The following SPOP variants were observed in gnomAD, a reference collection of about 807,000 sequenced individuals.
SPOP encodes speckle type BTB/POZ protein, also known as speckle-type POZ protein.
In SPOP, 11 loss-of-function variants were observed where a neutral mutation model predicts 45.6. That is an observed-to-expected ratio of 0.24 (90% confidence interval 0.15 to 0.40). The LOEUF (loss-of-function observed/expected upper bound fraction) is 0.40, where lower values mean the gene tolerates loss of function less well. Ranked by LOEUF, SPOP falls within the 10% of genes least tolerant of loss-of-function variation. The pLI is 1.00. For missense variants in SPOP, 152 were observed against 465.6 expected, an observed-to-expected ratio of 0.33 and a Z score of 6.20; for synonymous variants, 166 against 166.3, an observed-to-expected ratio of 1.00 and a Z score of 0.01.
chr17:49,642,925 A>C (rs2072686358), intron 1 of SPOP, among the ~76,000 whole-genome samples: 1 of 152,256 alleles, frequency 6.6e-6, no homozygotes, highest in Non-Finnish European at 1.5e-5. Flanking sequence ...ATCTATGTTA[A>C]AGTTGGCGTA....
At chr17:49,614,650 C>T (rs2072043400) in intron 5 of SPOP, among the ~76,000 whole-genome samples, 1 of 152,086 alleles carries the variant, frequency 6.6e-6, no homozygotes. Flanking sequence ...ATTGAATCAC[C>T]ATTTGTGTAG....
chr17:49,605,800 C>T (rs969422475), intron 8 of SPOP, among the ~76,000 whole-genome samples: 3 of 151,974 alleles, frequency 2.0e-5, no homozygotes, highest in Non-Finnish European at 4.4e-5. Context: ...CCAGCCTGAC[C>T]AACATGGCGA....
At chr17:49,653,983 CA>C (rs1174128293) in intron 1 of SPOP, among the ~76,000 whole-genome samples, 2 of 152,030 alleles carry the variant, frequency 1.3e-5, no homozygotes, top group African/African-American at 4.8e-5. Context: ...ACTTGTATTG[CA>C]AATCCTATGA....
intron 6 of SPOP, among the ~76,000 whole-genome samples, chr17:49,610,997 T>C (rs187892784): frequency 2.0e-4 from 31 of 152,252 alleles, no homozygotes; most frequent in Admixed American, 1.1e-3. Context: ...TGCTCTGACA[T>C]CTACTCTCTA....
intron 1 of SPOP, among the ~76,000 whole-genome samples, chr17:49,640,966 TA>T (rs1406313076): frequency 2.6e-5 from 4 of 152,074 alleles, no homozygotes; most frequent in Non-Finnish European, 5.9e-5. Flanking sequence ...CTGATACCCT[TA>T]AAAATGAATT....
chr17:49,662,590 G>A (rs1263581280), intron 1 of SPOP, among the ~76,000 whole-genome samples: 1 of 151,986 alleles, frequency 6.6e-6, no homozygotes, highest in South Asian at 2.1e-4. Flanking sequence ...GGGAGGTTGA[G>A]GCAGGACAGT....
At chr17:49,606,405 C>T (rs1357098048) in intron 8 of SPOP, among the ~76,000 whole-genome samples, 2 of 152,060 alleles carry the variant, frequency 1.3e-5, no homozygotes, top group African/African-American at 4.8e-5. Flanking sequence ...ATCCTTCCTC[C>T]TTGGCCTCCC....
At chr17:49,605,002 C>A (rs2071810619) in intron 8 of SPOP, among the ~76,000 whole-genome samples, 1 of 152,140 alleles carries the variant, frequency 6.6e-6, no homozygotes, top group Non-Finnish European at 1.5e-5. Flanking sequence ...AAGATAGCAA[C>A]TATTTGTCTT....
chr17:49,600,085 C>T lies in SPOP; in HGVS notation c.*293G>A, dbSNP rs1362870075. 2.7e-6 allele frequency: 1 copy of T among 364,052 alleles called. No individual in the cohort carries two copies. Among genetic ancestry groups the T allele is most frequent in the Non-Finnish European group, 5.1e-6 (1 of 196,528 alleles). 22.6% of individuals were successfully genotyped at this position (364,052 alleles called of 1,614,324 possible). A position where few individuals can be genotyped will look rare whatever the true frequency, so the allele number is the denominator to read the frequency against. The stretch of plus-strand genomic sequence containing the variant: ...GATGCAGACAGGTGTCTCCGAAGTA[C>T]CACCGCTGGGATATCCTCGGGCCAG... On this transcript the variant is annotated 3_prime_UTR_variant, in exon 10 of 10. Transcript: ENST00000504102. The surrounding 1 kb of genome is among the most constrained non-coding windows in gnomAD (Gnocchi z 4.2).
chr17:49,606,627 G>A (rs2071856287), intron 8 of SPOP, among the ~76,000 whole-genome samples: 1 of 150,958 alleles, frequency 6.6e-6, no homozygotes, highest in Non-Finnish European at 1.5e-5. Flanking sequence ...CTGAGTAGCT[G>A]GGACTACAAG....
intron 1 of SPOP, among the ~76,000 whole-genome samples, chr17:49,655,190 GAT>G (rs1302952841): frequency 6.6e-6 from 1 of 152,114 alleles, no homozygotes; most frequent in African/African-American, 2.4e-5. Flanking sequence ...TGTAAAAAGT[GAT>G]ATAAATATTC....
intron 8 of SPOP, among the ~76,000 whole-genome samples, chr17:49,603,997 T>C (rs563239052): frequency 1.4e-3 from 211 of 152,352 alleles, no homozygotes; most frequent in African/African-American, 4.9e-3. Flanking sequence ...AGTTTAATCT[T>C]GGCTCTGCGG....
intron 1 of SPOP, among the ~76,000 whole-genome samples, chr17:49,624,532 A>C (rs1287771014): frequency 6.6e-6 from 1 of 152,132 alleles, no homozygotes; most frequent in Non-Finnish European, 1.5e-5. Context: ...ACAGTGGCGC[A>C]ATCTTGGCTC....
chr17:49,635,913 T>G (rs1424632365), intron 1 of SPOP, among the ~76,000 whole-genome samples: 1 of 151,138 alleles, frequency 6.6e-6, no homozygotes, highest in Non-Finnish European at 1.5e-5. Context: ...GGATTATAGG[T>G]GTGAGCCACC....
chr17:49,618,946 G>A lies in SPOP; in HGVS notation c.480+35C>T, dbSNP rs775851222. 13 of 1,594,208 alleles carry A rather than the reference G, an allele frequency of 8.2e-6. No homozygotes were observed. The South Asian group carries it at 1.3e-4, about 16-fold the overall frequency. ...AGTCTACCAATACTCATCAGATCTG[G>A]GAACTGCTAGTCTCAGCAGAATACA... is the stretch of plus-strand genomic sequence containing the variant. On this transcript the variant is annotated intron_variant, in intron 5 of 9. Transcript: ENST00000504102.
intron 5 of SPOP, among the ~76,000 whole-genome samples, chr17:49,613,238 T>C (rs1472701185): frequency 6.6e-6 from 1 of 150,950 alleles, no homozygotes; most frequent in African/African-American, 2.4e-5. Context: ...AAAGTAGAAG[T>C]TGCCTGTTCT....
chr17:49,630,316 TTTTC>T (rs1194314213), intron 1 of SPOP, among the ~76,000 whole-genome samples: 9 of 152,230 alleles, frequency 5.9e-5, no homozygotes, highest in African/African-American at 2.2e-4. Context: ...GGAGGTAATC[TTTTC>T]TTTCTCATTA....
chr17:49,607,180 A>G (rs1430565925), intron 8 of SPOP, 70 bp downstream of exon 8: 1 of 1,603,362 alleles, frequency 6.2e-7, no homozygotes, highest in African/African-American at 1.3e-5. Context: ...TGCAACATAG[A>G]ATCCTGTTCA....
chr17:49,672,574 T>C (rs1369399027), intron 1 of SPOP, among the ~76,000 whole-genome samples: 1 of 152,240 alleles, frequency 6.6e-6, no homozygotes, highest in Non-Finnish European at 1.5e-5. Flanking sequence ...AATATCTGTT[T>C]ATGAAACTAT....
Sources: allele counts gnomAD v4.1 joint callset (sites outside exome capture counted in the v4.1 genomes callset), GRCh38; gene constraint gnomAD v4.1.1; non-coding constraint Gnocchi (gnomAD v3.1); transcripts MANE v1.5; gene names NCBI Gene and HGNC (gene_info 2026-07-23, HGNC 2026-07-21).